The following PNLIPRP3 variants were observed in gnomAD, a reference collection of about 807,000 sequenced individuals.
PNLIPRP3 encodes the protein pancreatic lipase-related protein 3.
A neutral mutation model predicts 52.8 loss-of-function variants in PNLIPRP3; 58 were observed. That is an observed-to-expected ratio of 1.10 (90% CI 0.89 to 1.37). The LOEUF is 1.37. Ranked by LOEUF, PNLIPRP3 falls within the 40% of genes most tolerant of loss-of-function variation. The pLI is 0.00. For missense variants in PNLIPRP3, 593 were observed against 561.6 expected (o/e 1.06, Z -0.57); for synonymous variants, 192 against 185.0 (o/e 1.04, Z -0.31).
intron 1 of PNLIPRP3, among the ~76,000 whole-genome samples, chr10:116,435,108 C>T (rs1845756792): frequency 6.6e-6 from 1 of 152,140 alleles, no homozygotes; most frequent in South Asian, 2.1e-4. Context: ...GTAATTATAG[C>T]ATGCGAGTTG....
intron 4 of PNLIPRP3, among the ~76,000 whole-genome samples, chr10:116,449,996 A>G (rs1846012070): frequency 6.6e-6 from 1 of 152,230 alleles, no homozygotes. Flanking sequence ...CTTTTAAACA[A>G]CCAATGGGTC....
intron 11 of PNLIPRP3, 30 bp from the exon 12 acceptor site, chr10:116,477,060 T>A (rs771992260): frequency 7.8e-6 from 12 of 1,531,030 alleles, no homozygotes; most frequent in Admixed American, 3.6e-5. Flanking sequence ...CAGGTTAAAA[T>A]TCCTTTTTTT....
chr10:116,459,713 C>A (rs1846163723), intron 5 of PNLIPRP3, among the ~76,000 whole-genome samples: 1 of 152,206 alleles, frequency 6.6e-6, no homozygotes, highest in Non-Finnish European at 1.5e-5. Flanking sequence ...TTGCTGGCCA[C>A]CTTACCTTTG....
chr10:116,438,526 C>T (rs1845810037), intron 2 of PNLIPRP3, among the ~76,000 whole-genome samples: 2 of 152,318 alleles, frequency 1.3e-5, no homozygotes, highest in South Asian at 4.1e-4. Context: ...TTACTGAAAT[C>T]TGCCAGCTAT....
rs551774208 is a variant in PNLIPRP3, at chr10:116,475,824, G to C, written c.1173-828G>C. 2.6e-5 allele frequency among the ~76,000 whole-genome samples: 4 copies of C among 152,164 alleles called. No homozygotes were observed. The South Asian group carries it at 8.3e-4, about 31-fold the overall frequency. ...ATAAGGAAAGGTGATACAGTATGGA[G>C]CAACATGGGGACAAATTTAGATTGG... On this transcript the variant is annotated intron_variant, in intron 10 of 11. Transcript: ENST00000369230.
chr10:116,444,208 G>A (rs1845908091), intron 3 of PNLIPRP3, among the ~76,000 whole-genome samples, 174 bp from the exon 4 acceptor site: 2 of 152,034 alleles, frequency 1.3e-5, no homozygotes, highest in Non-Finnish European at 2.9e-5. Flanking sequence ...CCTTTGAGAC[G>A]TGCAGATTAT....
intron 8 of PNLIPRP3, among the ~76,000 whole-genome samples, chr10:116,466,903 C>T (rs992671232): frequency 3.3e-5 from 5 of 152,148 alleles, no homozygotes; most frequent in Non-Finnish European, 5.9e-5. Flanking sequence ...GGCAGATGGA[C>T]GGGTTTAGGC....
chr10:116,446,444 A>G (rs1441645694), intron 4 of PNLIPRP3, among the ~76,000 whole-genome samples: 1 of 151,966 alleles, frequency 6.6e-6, no homozygotes, highest in Non-Finnish European at 1.5e-5. Context: ...CACATATGTA[A>G]ATGAGAGAGA....
At chr10:116,448,781 C>T (rs548667637) in intron 4 of PNLIPRP3, among the ~76,000 whole-genome samples, 27 of 152,088 alleles carry the variant, frequency 1.8e-4, no homozygotes, top group Non-Finnish European at 2.5e-4. Flanking sequence ...TTTGTGAGAC[C>T]GAGGCAGGCG....
intron 5 of PNLIPRP3, among the ~76,000 whole-genome samples, chr10:116,459,096 A>G (rs558006196): frequency 5.9e-5 from 9 of 152,064 alleles, no homozygotes; most frequent in Admixed American, 3.9e-4. Context: ...CTTAGCTTCT[A>G]TGATTCCGCA....
At chr10:116,454,718 T>G (rs1288042927) in intron 4 of PNLIPRP3, among the ~76,000 whole-genome samples, 1 of 152,238 alleles carries the variant, frequency 6.6e-6, no homozygotes, top group African/African-American at 2.4e-5. Context: ...GTCTTCCATG[T>G]TGTCACAAAT....
Position 116,464,612 on chromosome 10 carries a change from C to T in PNLIPRP3, c.809-1438C>T, listed in dbSNP as rs187039765. ...GTGGCTGGACCAGGCATACTGCAAGCAGCTTCCACCTTGGGCACCAGCTTC... is the reference window on the plus strand; with the variant it reads ...GTGGCTGGACCAGGCATACTGCAAGTAGCTTCCACCTTGGGCACCAGCTTC... On this transcript the variant is annotated intron_variant, in intron 7 of 11. Transcript: ENST00000369230. 3.3e-3 allele frequency among the ~76,000 whole-genome samples: 508 copies of T among 152,318 alleles called. 3 individuals carry two copies. The highest frequency in any genetic ancestry group is 0.012 in the African/African-American group (492 of 41,568).
chr10:116,439,025 G>C lies in PNLIPRP3; in HGVS notation c.204+2160G>C, dbSNP rs148523684. On this transcript the variant is annotated intron_variant, in intron 2 of 11. Coordinates refer to ENST00000369230, the MANE Select transcript of PNLIPRP3 (RefSeq NM_001011709.3). ...TGGTTTCATTTATAGGAGATATCTG[G>C]AGCAGGTAATGGAGAGTTCCTGTTT... Among the ~76,000 whole-genome samples, 415 of 152,284 alleles carry C rather than the reference G, an allele frequency of 2.7e-3. 3 individuals carry two copies. Among genetic ancestry groups the C allele is most frequent in the African/African-American group, 8.8e-3 (365 of 41,562 alleles).
At chr10:116,475,684 A>G (rs1846451961) in intron 10 of PNLIPRP3, among the ~76,000 whole-genome samples, 1 of 152,214 alleles carries the variant, frequency 6.6e-6, no homozygotes, top group Admixed American at 6.5e-5. Context: ...CTGTACCAGG[A>G]ACTGTTCTAA....
At chr10:116,457,424 ACAGTT>A (rs1846131756) in intron 5 of PNLIPRP3, among the ~76,000 whole-genome samples, 1 of 152,118 alleles carries the variant, frequency 6.6e-6, no homozygotes, top group African/African-American at 2.4e-5. Context: ...AATTTAGAAC[ACAGTT>A]TTTAAAAAAA....
chr10:116,459,357 C>T (rs188365012), intron 5 of PNLIPRP3, among the ~76,000 whole-genome samples: 216 of 152,166 alleles, frequency 1.4e-3, no homozygotes, highest in African/African-American at 5.1e-3. Flanking sequence ...ACAGACATTC[C>T]TTCCTTGCTG....
At chr10:116,441,011 C>G (rs569817241) in intron 2 of PNLIPRP3, among the ~76,000 whole-genome samples, 1 of 152,296 alleles carries the variant, frequency 6.6e-6, no homozygotes, top group Non-Finnish European at 1.5e-5. Flanking sequence ...ATTAACCCTT[C>G]CTCTCGATAA....
chr10:116,466,971 C>G (rs1182910358), intron 8 of PNLIPRP3, among the ~76,000 whole-genome samples: 1 of 152,202 alleles, frequency 6.6e-6, no homozygotes, highest in African/African-American at 2.4e-5. Flanking sequence ...GTAGCATTTT[C>G]CACATATCCT....
Position 116,476,831 on chromosome 10 carries a change from T to A in PNLIPRP3, c.1340+12T>A. The A allele has an allele frequency of 1.9e-6, 3 of 1,561,664 alleles. No individual in the cohort carries two copies. Among genetic ancestry groups the A allele is most frequent in the Non-Finnish European group, 2.6e-6 (3 of 1,154,908 alleles). On this transcript the variant is annotated intron_variant, in intron 11 of 11. Transcript: ENST00000369230. ...AAATATGGATATAAGTAAGTATTGC[T>A]TTTTCCTTTTCATTTTCGTAGTTTA... is the stretch of plus-strand genomic sequence containing the variant.
Sources: allele counts gnomAD v4.1 joint callset (sites outside exome capture counted in the v4.1 genomes callset), GRCh38; gene constraint gnomAD v4.1.1; transcripts MANE v1.5; gene names NCBI Gene and HGNC (gene_info 2026-07-23, HGNC 2026-07-21).